LDLRAD4: variants seen among roughly 807,000 people sequenced by gnomAD.
The protein encoded by LDLRAD4 is low-density lipoprotein receptor class A domain-containing protein 4.
In LDLRAD4, 5 loss-of-function variants were observed where a neutral mutation model predicts 17.0. That is an observed-to-expected ratio of 0.29 (90% CI 0.15 to 0.62). The LOEUF is 0.62. Among genes scored for constraint, LDLRAD4 ranks in the 20% least tolerant of loss-of-function variants. The probability of loss-of-function intolerance (pLI) is 0.84; values close to 1 mark genes in which losing one functional copy is unlikely to be tolerated. For missense variants in LDLRAD4, 340 were observed against 424.7 expected (o/e 0.80, Z 1.75); for synonymous variants, 168 against 171.8 (o/e 0.98, Z 0.17).
intron 3 of LDLRAD4, among the ~76,000 whole-genome samples, chr18:13,481,485 C>T (rs2093082635): frequency 6.6e-6 from 1 of 152,170 alleles, no homozygotes; most frequent in Non-Finnish European, 1.5e-5. Context: ...TGCTGTGACA[C>T]GGTTGTGCAT....
intron 2 of LDLRAD4, among the ~76,000 whole-genome samples, chr18:13,409,382 T>C (rs1035080200): frequency 1.3e-5 from 2 of 152,194 alleles, no homozygotes; most frequent in African/African-American, 4.8e-5. Flanking sequence ...TCCTTAACTA[T>C]AGATGATTCC....
chr18:13,245,786 G>C (rs1156821461), intron 1 of LDLRAD4, among the ~76,000 whole-genome samples: 1 of 152,208 alleles, frequency 6.6e-6, no homozygotes, highest in African/African-American at 2.4e-5. Flanking sequence ...TTGCAGCTCT[G>C]CCACCTGGTG....
intron 1 of LDLRAD4, among the ~76,000 whole-genome samples, chr18:13,309,178 C>G (rs997011849): frequency 2.6e-4 from 39 of 152,184 alleles, no homozygotes; most frequent in African/African-American, 8.2e-4. Flanking sequence ...GTGAGCGACC[C>G]GGCCCCACTT....
chr18:13,245,679 G>A (rs1186244895), intron 1 of LDLRAD4, among the ~76,000 whole-genome samples: 1 of 152,204 alleles, frequency 6.6e-6, no homozygotes, highest in Non-Finnish European at 1.5e-5. Flanking sequence ...CAGACAGCAT[G>A]ATCATTTCTG....
At chr18:13,327,245 T>C (rs1431584392) in intron 1 of LDLRAD4, among the ~76,000 whole-genome samples, 1 of 152,156 alleles carries the variant, frequency 6.6e-6, no homozygotes, top group Non-Finnish European at 1.5e-5. Context: ...TTGTTAAGTA[T>C]GAACTTGTGA....
chr18:13,346,000 A>G (rs1013963323), intron 1 of LDLRAD4, among the ~76,000 whole-genome samples: 2 of 152,100 alleles, frequency 1.3e-5, no homozygotes, highest in East Asian at 1.9e-4. Flanking sequence ...CTAGCGGTCT[A>G]TCAATGTTGT....
intron 3 of LDLRAD4, among the ~76,000 whole-genome samples, chr18:13,576,096 A>T (rs556625444): frequency 3.3e-5 from 5 of 152,118 alleles, no homozygotes; most frequent in Non-Finnish European, 7.3e-5. Context: ...TGGGGAGGAT[A>T]TTTTGTCTCA....
chr18:13,483,280 T>C (rs1430325152), intron 3 of LDLRAD4, among the ~76,000 whole-genome samples: 1 of 152,192 alleles, frequency 6.6e-6, no homozygotes, highest in Non-Finnish European at 1.5e-5. Context: ...CTGTAGTTAC[T>C]GAGTTTCTCA....
At chr18:13,528,666 A>G (rs1310838166) in intron 3 of LDLRAD4, among the ~76,000 whole-genome samples, 1 of 152,222 alleles carries the variant, frequency 6.6e-6, no homozygotes, top group African/African-American at 2.4e-5. Context: ...CAAGGTTAGT[A>G]TAATTTACGT....
intron 4 of LDLRAD4, among the ~76,000 whole-genome samples, chr18:13,627,262 A>G (rs79400114): frequency 0.016 from 2,372 of 152,316 alleles, 77 homozygotes; most frequent in African/African-American, 0.053. Context: ...CGCCATCTCA[A>G]AAATAAAAAA....
chr18:13,466,472 C>A (rs1458591562), intron 3 of LDLRAD4, among the ~76,000 whole-genome samples: 820 of 107,826 alleles, frequency 7.6e-3, no homozygotes, highest in Middle Eastern at 0.01. Flanking sequence ...CTTGTTTCAC[C>A]AAAAAAAAAA....
intron 3 of LDLRAD4, among the ~76,000 whole-genome samples, chr18:13,451,786 T>A (rs189364628): frequency 6.6e-6 from 1 of 152,204 alleles, no homozygotes; most frequent in Non-Finnish European, 1.5e-5. Flanking sequence ...TGAGGTCTCT[T>A]TCCCATGGGC....
rs116487579 is a variant in LDLRAD4, at chr18:13,550,385, G to A, written c.182-70732G>A. 5.5e-3 allele frequency among the ~76,000 whole-genome samples: 835 copies of A among 152,214 alleles called. 7 individuals are homozygous for A. The highest frequency in any genetic ancestry group is 0.019 in the African/African-American group (800 of 41,520). On this transcript the variant is annotated intron_variant, in intron 3 of 5. Coordinates refer to ENST00000359446, the Ensembl canonical transcript of LDLRAD4. The stretch of plus-strand genomic sequence containing the variant: ...AAAACCTTCAACTGGTTGGTGTTAC[G>A]CAAATTATGATGGATGAAAACAAAA...
At chr18:13,486,680 A>G (rs1052720203) in intron 3 of LDLRAD4, 7 of 152,226 alleles carry the variant, frequency 4.6e-5, no homozygotes, top group Admixed American at 3.9e-4. Context: ...TGATATATAC[A>G]TTCAGAAAAG....
chr18:13,401,957 C>T (rs966424380), intron 2 of LDLRAD4, among the ~76,000 whole-genome samples: 2 of 152,300 alleles, frequency 1.3e-5, no homozygotes, highest in Non-Finnish European at 2.9e-5. Context: ...CAGTTTCCAA[C>T]GGTGGTTCCT....
At chr18:13,227,649 C>G (rs1167385166) in intron 1 of LDLRAD4, among the ~76,000 whole-genome samples, 1 of 152,204 alleles carries the variant, frequency 6.6e-6, no homozygotes, top group Admixed American at 6.5e-5. Flanking sequence ...TTCCACGTGG[C>G]TGAGGAGGCC....
At chr18:13,324,454 T>A (rs576083088) in intron 1 of LDLRAD4, among the ~76,000 whole-genome samples, 79 of 152,288 alleles carry the variant, frequency 5.2e-4, no homozygotes, top group African/African-American at 1.7e-3. Flanking sequence ...AAGTGTCTAT[T>A]TTTTGACAAG....
intron 3 of LDLRAD4, among the ~76,000 whole-genome samples, chr18:13,481,832 G>C (rs919444081): frequency 3.3e-5 from 5 of 149,294 alleles, no homozygotes; most frequent in Admixed American, 1.4e-4. Flanking sequence ...TGGACAGAAG[G>C]CTTCAACTTA....
chr18:13,431,182 C>G (rs1393687271), intron 2 of LDLRAD4, among the ~76,000 whole-genome samples: 1 of 152,024 alleles, frequency 6.6e-6, no homozygotes, highest in South Asian at 2.1e-4. Flanking sequence ...TAAAGTGACC[C>G]CAGCATCCTC....
Sources: gnomAD v4.1 joint callset for allele counts (sites outside exome capture counted in the v4.1 genomes callset) on GRCh38, gnomAD v4.1.1 for gene constraint, MANE v1.5 for transcripts, NCBI Gene and HGNC (gene_info 2026-07-23, HGNC 2026-07-21) for gene names.